SAMD12: variants seen among roughly 807,000 people sequenced by gnomAD.
The protein encoded by SAMD12 is sterile alpha motif domain-containing protein 12.
Under a neutral mutation model 15.0 loss-of-function variants are expected in SAMD12, and 9 were observed. The observed-to-expected ratio is 0.60, with a 90% CI of 0.36 to 1.05. The LOEUF (loss-of-function observed/expected upper bound fraction) is 1.05, where lower values mean the gene tolerates loss of function less well. SAMD12 is among the 50% of genes least tolerant of loss of function. SAMD12 has a pLI of 0.01. For synonymous variants in SAMD12, 86 were observed against 90.1 expected (o/e 0.96, Z 0.25); for missense variants, 230 against 234.2 (o/e 0.98, Z 0.12).
intron 3 of SAMD12, among the ~76,000 whole-genome samples, chr8:118,429,753 G>T (rs1184137641): frequency 6.6e-6 from 1 of 152,104 alleles, no homozygotes; most frequent in Non-Finnish European, 1.5e-5. Flanking sequence ...AATTAACTGG[G>T]CATGGTGGCA....
At chr8:118,604,281 A>C (rs1477546012) in intron 1 of SAMD12, among the ~76,000 whole-genome samples, 1 of 152,206 alleles carries the variant, frequency 6.6e-6, no homozygotes, top group Non-Finnish European at 1.5e-5. Flanking sequence ...GGTAGAGAAT[A>C]TTTATCTATA....
chr8:118,441,000 T>C (rs796339164), intron 2 of SAMD12, among the ~76,000 whole-genome samples: 7 of 152,278 alleles, frequency 4.6e-5, no homozygotes, highest in African/African-American at 1.4e-4. Context: ...ATCCCTGCTC[T>C]TCTCCATACG....
chr8:118,267,610 T>C (rs1313070733), intron 4 of SAMD12, among the ~76,000 whole-genome samples: 2 of 152,252 alleles, frequency 1.3e-5, no homozygotes, highest in East Asian at 3.9e-4. Context: ...TCTCACTGAT[T>C]TGGCTTTTTA....
At chr8:118,597,378 TA>T (rs1827750181) in intron 1 of SAMD12, among the ~76,000 whole-genome samples, 1 of 152,232 alleles carries the variant, frequency 6.6e-6, no homozygotes, top group African/African-American at 2.4e-5. Context: ...ATGGTTGCTT[TA>T]ATTCAGGCTA....
chr8:118,481,740 A>G (rs888563201), intron 2 of SAMD12, among the ~76,000 whole-genome samples: 1 of 77,028 alleles, frequency 1.3e-5, no homozygotes. Flanking sequence ...ACCTAAATGA[A>G]AAAAAAAAAT....
chr8:118,232,866 C>A (rs1032449948), intron 4 of SAMD12, among the ~76,000 whole-genome samples: 2 of 152,088 alleles, frequency 1.3e-5, no homozygotes, highest in African/African-American at 4.8e-5. Flanking sequence ...AGTGGGACCA[C>A]CAGCTTTGGC....
At position 118,428,370 on chromosome 8, in the gene SAMD12, G is replaced by A. The variant is rs986034378; in HGVS notation, c.322+11462C>T. On this transcript the variant is annotated intron_variant, in intron 3 of 3. Coordinates refer to ENST00000314727, the MANE Select transcript of SAMD12 (RefSeq NM_207506.3). ...CTTTTGTGCCAAGAGCTCAAGTCCA[G>A]CGTGGGCAACAGAGCAAGACGCTGT... Among the ~76,000 whole-genome samples the A allele has an allele frequency of 2.6e-5, 4 of 151,450 alleles. No homozygotes were observed. The East Asian group carries it at 7.8e-4, about 29-fold the overall frequency.
At chr8:118,202,798 C>A (rs1025670301) in intron 4 of SAMD12, among the ~76,000 whole-genome samples, 4 of 152,154 alleles carry the variant, frequency 2.6e-5, no homozygotes, top group Admixed American at 6.5e-5. Context: ...TGTATCTGAA[C>A]TGCAACTTCA....
intron 4 of SAMD12, among the ~76,000 whole-genome samples, chr8:118,322,903 C>A (rs754669803): frequency 9.2e-5 from 14 of 151,766 alleles, no homozygotes; most frequent in Non-Finnish European, 1.6e-4. Context: ...TTTGTTGTGG[C>A]AGAGACTGCT....
intron 4 of SAMD12, among the ~76,000 whole-genome samples, chr8:118,202,901 C>T (rs927884995): frequency 9.9e-5 from 15 of 152,202 alleles, no homozygotes; most frequent in African/African-American, 3.6e-4. Flanking sequence ...GCAGAGCTCA[C>T]ATTTATGGAA....
At chr8:118,398,273 C>T (rs1820688760) in intron 3 of SAMD12, among the ~76,000 whole-genome samples, 1 of 152,102 alleles carries the variant, frequency 6.6e-6, no homozygotes, top group Non-Finnish European at 1.5e-5. Context: ...GTGGCACATG[C>T]CCATAATCCC....
intron 2 of SAMD12, among the ~76,000 whole-genome samples, chr8:118,478,013 C>CAAAAAAAAA (rs10629817): frequency 2.3e-5 from 2 of 88,276 alleles, no homozygotes; most frequent in African/African-American, 4.4e-5. Flanking sequence ...GACCCTGTCT[C>CAAAAAAAAA]AAAAAAAAAA....
chr8:118,479,765 C>T (rs1309898234), intron 2 of SAMD12, among the ~76,000 whole-genome samples: 1 of 125,850 alleles, frequency 7.9e-6, no homozygotes, highest in Non-Finnish European at 1.7e-5. Context: ...CTTTCCCTGC[C>T]ATGATACTCT....
At chr8:118,231,533 C>T (rs1166061416) in intron 4 of SAMD12, among the ~76,000 whole-genome samples, 1 of 152,148 alleles carries the variant, frequency 6.6e-6, no homozygotes, top group Non-Finnish European at 1.5e-5. Context: ...GCCTGTCTGA[C>T]CTTTGGTAGT....
chr8:118,573,644 T>C (rs1160125914), intron 2 of SAMD12, among the ~76,000 whole-genome samples: 1 of 152,194 alleles, frequency 6.6e-6, no homozygotes, highest in Non-Finnish European at 1.5e-5. Context: ...GTATCCCTTG[T>C]CCATTGTGTG....
chr8:118,379,626 T>C lies in SAMD12; in HGVS notation c.397A>G (p.Ile133Val), dbSNP rs1346879604. Residue 133 changes from isoleucine to valine, a missense_variant, in exon 4 of 4, where the codon ATC becomes GTC. Physicochemically the swap from Ile to Val is conservative, Grantham distance 29. Coordinates refer to ENST00000314727, the MANE Select transcript of SAMD12 (RefSeq NM_207506.3). ...GIAQENLRQH[I>V]LQQVLQLKVR... ...TTCAGCTGGAGCACCTGTTGTAAGA[T>C]GTGCTGCCGGAGGTTCTCCTGGGCA... The C allele has an allele frequency of 3.1e-6, 5 of 1,613,982 alleles. No homozygotes were observed. The highest frequency in any genetic ancestry group is 1.7e-5 in the Admixed American group (1 of 59,992).
At chr8:118,620,602 T>C (rs1828372414) in intron 1 of SAMD12, among the ~76,000 whole-genome samples, 1 of 152,082 alleles carries the variant, frequency 6.6e-6, no homozygotes, top group Non-Finnish European at 1.5e-5. Context: ...TTATGGGTGC[T>C]GAGTATAGGA....
chr8:118,439,877 G>C lies in SAMD12; in HGVS notation c.277C>G (p.Gln93Glu). The C allele has an allele frequency of 1.9e-6, 3 of 1,613,488 alleles. No individual in the cohort carries two copies. Among genetic ancestry groups the C allele is most frequent in the Non-Finnish European group, 2.5e-6 (3 of 1,179,474 alleles). The change falls in exon 3 of 4, where the codon CAG becomes GAG. Residue 93 changes from glutamine (Q) to glutamate (E), a missense_variant. Gln to Glu is a conservative substitution (Grantham distance 29, BLOSUM62 2). Transcript: ENST00000314727. ...AATGACTCACTGTAGATCTGATACT[G>C]ATTCGGACAATGTTTCTTCAACCAC... ...CKWLKKHCPNQYQIYSESFKQ... is the reference protein window; with the variant it reads ...CKWLKKHCPNEYQIYSESFKQ...
intron 1 of SAMD12, among the ~76,000 whole-genome samples, chr8:118,619,741 A>C (rs763964919): frequency 1.3e-5 from 2 of 152,148 alleles, no homozygotes; most frequent in Non-Finnish European, 2.9e-5. Flanking sequence ...GATAAGTATT[A>C]AGATAAATGT....
Sources: allele counts gnomAD v4.1 joint callset (sites outside exome capture counted in the v4.1 genomes callset), GRCh38; gene constraint gnomAD v4.1.1; transcripts MANE v1.5; gene names NCBI Gene and HGNC (gene_info 2026-07-23, HGNC 2026-07-21).